The following SUMF1 variants were observed in gnomAD, a reference collection of about 807,000 sequenced individuals.
The protein encoded by SUMF1 is sulfatase modifying factor 1, also known as formylglycine-generating enzyme.
In SUMF1, 48 loss-of-function variants were observed where a neutral mutation model predicts 47.6. That is an observed-to-expected ratio of 1.01 (90% CI 0.80 to 1.28). The LOEUF (loss-of-function observed/expected upper bound fraction) is 1.28. SUMF1 is among the 50% of genes most tolerant of loss of function. The pLI is 0.00. For synonymous variants in SUMF1, 230 were observed against 192.1 expected, an observed-to-expected ratio of 1.20 and a Z score of -1.63; for missense variants, 571 against 485.4, an observed-to-expected ratio of 1.18 and a Z score of -1.66.
intron 8 of SUMF1, among the ~76,000 whole-genome samples, chr3:4,275,908 C>T (rs1459033030): frequency 6.6e-6 from 1 of 152,166 alleles, no homozygotes; most frequent in Non-Finnish European, 1.5e-5. Context: ...TTTCTGCTCA[C>T]ATACTAGAAT....
intron 8 of SUMF1, among the ~76,000 whole-genome samples, chr3:4,352,298 T>TC (rs972412342): frequency 9.9e-5 from 15 of 150,946 alleles, no homozygotes; most frequent in Admixed American, 7.3e-4. Context: ...AATAACCAGT[T>TC]CCCCCCCAAA....
intron 2 of SUMF1, among the ~76,000 whole-genome samples, chr3:4,451,832 C>T (rs940422873): frequency 4.6e-5 from 7 of 152,034 alleles, no homozygotes; most frequent in African/African-American, 1.2e-4. Flanking sequence ...TACGGGTGCC[C>T]GCCACCATGC....
chr3:4,284,549 G>A (rs1036037763), intron 8 of SUMF1, among the ~76,000 whole-genome samples: 2 of 151,344 alleles, frequency 1.3e-5, no homozygotes, highest in Admixed American at 1.3e-4. Context: ...GGTGACCCTG[G>A]CATCAAGTCT....
intron 8 of SUMF1, among the ~76,000 whole-genome samples, chr3:4,243,339 T>G (rs1329764912): frequency 6.6e-6 from 1 of 152,224 alleles, no homozygotes; most frequent in Non-Finnish European, 1.5e-5. Flanking sequence ...TCTCAGTTCT[T>G]TTAATTGTAG....
intron 8 of SUMF1, among the ~76,000 whole-genome samples, chr3:4,280,451 T>C (rs886414176): frequency 4.6e-5 from 7 of 152,046 alleles, no homozygotes; most frequent in Non-Finnish European, 7.4e-5. Context: ...TTGAAGTACC[T>C]TGACTTAAAA....
At position 4,368,108 on chromosome 3, in the gene SUMF1, A is replaced by G. The variant is rs146348691; in HGVS notation, c.1015-5854T>C. ...CTCATCTGACAAAGGGCTAATATTT[A>G]GAATCTACAATGAAGTCTAACAAAT... On this transcript the variant is annotated intron_variant, in intron 8 of 8. Transcript: ENST00000272902. 1.5e-3 allele frequency among the ~76,000 whole-genome samples: 229 copies of G among 152,344 alleles called. 5 individuals carry two copies. The East Asian group carries it at 0.04, about 27-fold the overall frequency.
At chr3:4,347,205 C>T (rs956011087) in intron 8 of SUMF1, among the ~76,000 whole-genome samples, 1 of 152,186 alleles carries the variant, frequency 6.6e-6, no homozygotes, top group Non-Finnish European at 1.5e-5. Flanking sequence ...CATCCTGATA[C>T]CAAAACCGGG....
intron 8 of SUMF1, among the ~76,000 whole-genome samples, chr3:4,141,263 A>T (rs1269086088): frequency 2.0e-5 from 3 of 152,172 alleles, no homozygotes; most frequent in African/African-American, 7.2e-5. Context: ...GGAGGTAATC[A>T]TCAATAAGCA....
chr3:4,466,849 C>A, intron 1 of SUMF1, 127 bp downstream of exon 1: 2 of 1,380,622 alleles, frequency 1.4e-6, no homozygotes, highest in Non-Finnish European at 2.0e-6. Flanking sequence ...ACGGGAACAG[C>A]AGGTGCTCGA....
At chr3:4,237,377 T>C (rs926565133) in intron 8 of SUMF1, among the ~76,000 whole-genome samples, 1 of 152,146 alleles carries the variant, frequency 6.6e-6, no homozygotes, top group African/African-American at 2.4e-5. Flanking sequence ...CATAATGACA[T>C]ATGATGTTGA....
intron 9 of SUMF1, among the ~76,000 whole-genome samples, chr3:4,051,581 T>G (rs914570283): frequency 6.6e-6 from 1 of 152,278 alleles, no homozygotes; most frequent in East Asian, 1.9e-4. Flanking sequence ...CGTTTCTAAA[T>G]AGACGTACCA....
At chr3:4,140,090 C>G (rs1271526951) in intron 8 of SUMF1, among the ~76,000 whole-genome samples, 1 of 152,034 alleles carries the variant, frequency 6.6e-6, no homozygotes, top group African/African-American at 2.4e-5. Flanking sequence ...TCTTGGCTCT[C>G]CATCCTAACT....
chr3:4,436,110 C>T (rs1303357156), intron 3 of SUMF1, among the ~76,000 whole-genome samples: 2 of 152,096 alleles, frequency 1.3e-5, no homozygotes, highest in Non-Finnish European at 2.9e-5. Flanking sequence ...GGCGAAACCC[C>T]ATCTCTATTT....
chr3:4,118,504 T>C (rs760586775), intron 8 of SUMF1, among the ~76,000 whole-genome samples: 21 of 152,144 alleles, frequency 1.4e-4, no homozygotes, highest in Admixed American at 5.9e-4. Context: ...AAGAACCTTT[T>C]AGTACCATTT....
intron 8 of SUMF1, among the ~76,000 whole-genome samples, chr3:4,204,977 G>A (rs1695620304): frequency 6.6e-6 from 1 of 152,012 alleles, no homozygotes; most frequent in Non-Finnish European, 1.5e-5. Context: ...ATGAGGATTG[G>A]TCATTTGTGC....
At chr3:4,426,235 G>A (rs1003965032) in intron 3 of SUMF1, among the ~76,000 whole-genome samples, 2 of 152,192 alleles carry the variant, frequency 1.3e-5, no homozygotes, top group African/African-American at 2.4e-5. Context: ...TTGTCTGTCT[G>A]TAAGACAGAT....
chr3:4,362,622 T>C (rs918301242), intron 8 of SUMF1, among the ~76,000 whole-genome samples: 3 of 152,192 alleles, frequency 2.0e-5, no homozygotes, highest in African/African-American at 7.2e-5. Flanking sequence ...GAAGTTTTCA[T>C]GATAAAATGT....
chr3:4,208,293 T>G (rs1695697105), intron 8 of SUMF1, among the ~76,000 whole-genome samples: 2 of 152,020 alleles, frequency 1.3e-5, no homozygotes, highest in African/African-American at 4.8e-5. Flanking sequence ...TATTTGCAAC[T>G]GTCATGGTCC....
At chr3:4,431,171 T>C (rs1286480942) in intron 3 of SUMF1, among the ~76,000 whole-genome samples, 2 of 152,140 alleles carry the variant, frequency 1.3e-5, no homozygotes, top group Non-Finnish European at 2.9e-5. Context: ...GATGGGTCAA[T>C]GGTGAAACCC....
Sources: gnomAD v4.1 joint callset for allele counts (sites outside exome capture counted in the v4.1 genomes callset) on GRCh38, gnomAD v4.1.1 for gene constraint, MANE v1.5 for transcripts, NCBI Gene and HGNC (gene_info 2026-07-23, HGNC 2026-07-21) for gene names.